The following DENND2C variants were observed in gnomAD, a reference collection of about 807,000 sequenced individuals.
DENND2C encodes the protein DENN domain containing 2C.
Under a neutral mutation model 112.4 loss-of-function variants are expected in DENND2C, and 72 were observed. The observed-to-expected ratio is 0.64, with a 90% CI of 0.53 to 0.78. The LOEUF (loss-of-function observed/expected upper bound fraction) is 0.78. Among genes scored for constraint, DENND2C ranks in the 30% least tolerant of loss-of-function variants. The pLI, the probability that DENND2C is intolerant of heterozygous loss-of-function variation, is 0.00. For missense variants in DENND2C, 992 were observed against 1,113.8 expected (o/e 0.89, Z 1.56); for synonymous variants, 329 against 381.6 (o/e 0.86, Z 1.61).
intron 2 of DENND2C, among the ~76,000 whole-genome samples, chr1:114,649,970 G>T (rs985068000): frequency 6.6e-6 from 1 of 152,058 alleles, no homozygotes; most frequent in Non-Finnish European, 1.5e-5. Context: ...TTATACAGAT[G>T]CAATTACAGT....
intron 1 of DENND2C, among the ~76,000 whole-genome samples, chr1:114,660,625 CA>C (rs924661502): frequency 2.0e-5 from 3 of 152,160 alleles, no homozygotes; most frequent in Admixed American, 6.6e-5. Flanking sequence ...GGAGGCTGGA[CA>C]GGGGGAGGGA....
rs138242785 is a variant in DENND2C, at chr1:114,583,835, A to AAC, written c.*1763_*1764dup. The AAC allele has an allele frequency of 0.49, 69,310 of 140,078 alleles. 17,225 individuals carry two copies. The highest frequency in any genetic ancestry group is 0.6 in the South Asian group (2,715 of 4,524). The allele number at this position is 140,078 out of a possible 1,614,324, so 8.7% of individuals were successfully genotyped here. The stretch of plus-strand genomic sequence containing the variant: ...AAAAAAAAAAAAAAAACCGAAACAA[A>AAC]ACACACACACACACACATACACACA... On this transcript the variant is annotated 3_prime_UTR_variant, in exon 21 of 21. Transcript: ENST00000393274.
intron 1 of DENND2C, among the ~76,000 whole-genome samples, chr1:114,658,544 T>C (rs1657393964): frequency 6.6e-6 from 1 of 151,918 alleles, no homozygotes; most frequent in Non-Finnish European, 1.5e-5. Flanking sequence ...GGACAAAGTA[T>C]GAAGACAACA....
chr1:114,585,452 G>A lies in DENND2C; in HGVS notation c.*148C>T, dbSNP rs1655014525. The A allele has an allele frequency of 2.6e-6, 2 of 761,464 alleles. No individual in the cohort carries two copies. Among genetic ancestry groups the A allele is most frequent in the Middle Eastern group, 7.8e-4 (2 of 2,560 alleles). 47.2% of individuals were successfully genotyped at this position (761,464 alleles called of 1,614,324 possible). On this transcript the variant is annotated 3_prime_UTR_variant, in exon 21 of 21. Transcript: ENST00000393274. The stretch of plus-strand genomic sequence containing the variant: ...CCAGTGATTACTACAGCAGCAACAG[G>A]AGAATCCTCCTCTAACAGCCTGACT...
chr1:114,606,077 T>C (rs1301898369), intron 10 of DENND2C, among the ~76,000 whole-genome samples: 1 of 152,190 alleles, frequency 6.6e-6, no homozygotes, highest in Non-Finnish European at 1.5e-5. Context: ...TCCCTTTTAA[T>C]TTCTTTTTTG....
intron 1 of DENND2C, among the ~76,000 whole-genome samples, chr1:114,660,712 G>T (rs1657468058): frequency 6.6e-6 from 1 of 152,122 alleles, no homozygotes; most frequent in African/African-American, 2.4e-5. Flanking sequence ...CTATTCAATT[G>T]CTCATAATTA....
At chr1:114,668,624 G>A (rs1657708446) in intron 1 of DENND2C, among the ~76,000 whole-genome samples, 1 of 151,240 alleles carries the variant, frequency 6.6e-6, no homozygotes. Flanking sequence ...ACTCAGAACA[G>A]GCCTACAAGT....
chr1:114,621,898 TG>T lies in DENND2C; in HGVS notation c.1223del (p.Pro408GlnfsTer5). 6.4e-7 allele frequency: 1 copy of T among 1,550,618 alleles called. No homozygotes were observed. The highest frequency in any genetic ancestry group is 2.0e-5 in the Admixed American group (1 of 51,004). On this transcript the variant is annotated frameshift_variant, in exon 7 of 21. Transcript: ENST00000393274. LOFTEE classifies it high-confidence loss of function. ...EVANTKRKNL[P>X]RLVLKIDDIF... ...ATGAAAGCACTGGAGTCTTTACCCT[TG>T]GAAGATTTTTCCTTTTCGTGTTTGC...
At chr1:114,616,786 T>TA (rs762136712) in intron 8 of DENND2C, among the ~76,000 whole-genome samples, 1 of 151,684 alleles carries the variant, frequency 6.6e-6, no homozygotes. Context: ...ACCCAGGAGA[T>TA]AAAGGTTGCA....
chr1:114,653,118 T>C (rs1451289168), intron 2 of DENND2C, among the ~76,000 whole-genome samples: 1 of 151,050 alleles, frequency 6.6e-6, no homozygotes, highest in Non-Finnish European at 1.5e-5. Flanking sequence ...CATTGGTACT[T>C]TTTTTTTTGA....
Position 114,608,773 on chromosome 1 carries a change from C to A in DENND2C, c.1470G>T (p.Leu490=), listed in dbSNP as rs768499605. ...RDLIELQEQQ[L]FELFVVVSLQ... ...GAGACACCACCACAAAAAGTTCAAA[C>A]AGCTGCTGCTCCTGTAATTCAATAA... is the stretch of plus-strand genomic sequence containing the variant. Residue 490 remains leucine, a synonymous_variant, in exon 10 of 21, where the codon CTG becomes CTT. Coordinates refer to ENST00000393274, the MANE Select transcript of DENND2C (RefSeq NM_001256404.2). 22 of 1,614,212 alleles carry A rather than the reference C, an allele frequency of 1.4e-5. 1 individual carries two copies. The South Asian group carries it at 2.3e-4, about 17-fold the overall frequency.
intron 16 of DENND2C, among the ~76,000 whole-genome samples, chr1:114,597,995 G>A (rs752561006): frequency 3.9e-5 from 6 of 152,308 alleles, no homozygotes; most frequent in Non-Finnish European, 7.4e-5. Context: ...TGGTGAAGAC[G>A]TGGAGCAACA....
At chr1:114,637,585 C>T (rs1338097362) in intron 3 of DENND2C, among the ~76,000 whole-genome samples, 3 of 150,724 alleles carry the variant, frequency 2.0e-5, no homozygotes, top group South Asian at 2.1e-4. Flanking sequence ...GGTGGGATCT[C>T]GGCTCACTGC....
rs1427930334 is a variant in DENND2C, at chr1:114,587,369, G to A, written c.2755+18C>T. The A allele has an allele frequency of 6.2e-7, 1 of 1,613,788 alleles. No homozygotes were observed. The highest frequency in any genetic ancestry group is 1.3e-5 in the African/African-American group (1 of 74,892). ...GTCTTCAGCCACATTTATCTAACAG[G>A]AAAACACAGCAACTAACCAAGACTC... On this transcript the variant is annotated intron_variant, in intron 20 of 20. Coordinates refer to ENST00000393274, the MANE Select transcript of DENND2C (RefSeq NM_001256404.2).
intron 7 of DENND2C, among the ~76,000 whole-genome samples, 161 bp downstream of exon 7, chr1:114,621,734 C>T (rs1421496208): frequency 6.6e-6 from 1 of 152,230 alleles, no homozygotes; most frequent in Non-Finnish European, 1.5e-5. Context: ...ATGCACTTCT[C>T]TAGCATGAGC....
At chr1:114,651,102 C>T (rs1221712069) in intron 2 of DENND2C, among the ~76,000 whole-genome samples, 2 of 148,962 alleles carry the variant, frequency 1.3e-5, no homozygotes, top group African/African-American at 4.9e-5. Flanking sequence ...CAGTGAGACT[C>T]GAGACTCCAT....
At chr1:114,629,637 T>C (rs1656436355) in intron 3 of DENND2C, among the ~76,000 whole-genome samples, 1 of 152,214 alleles carries the variant, frequency 6.6e-6, no homozygotes, top group Non-Finnish European at 1.5e-5. Flanking sequence ...CTTAATCATG[T>C]CCCTTTCTTT....
intron 10 of DENND2C, among the ~76,000 whole-genome samples, chr1:114,607,216 C>T (rs988795413): frequency 6.6e-6 from 1 of 152,214 alleles, no homozygotes; most frequent in Non-Finnish European, 1.5e-5. Context: ...AAGACCTTGG[C>T]ACATGCCCAG....
At chr1:114,655,867 TATATATATATGTATAA>T (rs200348341) in intron 1 of DENND2C, among the ~76,000 whole-genome samples, 27,650 of 112,208 alleles carry the variant, frequency 0.25, 3,559 homozygotes, top group Non-Finnish European at 0.32. Context: ...AAAGAACTTT[TATATATATATGTATAA>T]ATATATATAT....
Sources: gnomAD v4.1 joint callset for allele counts (sites outside exome capture counted in the v4.1 genomes callset) on GRCh38, gnomAD v4.1.1 for gene constraint, MANE v1.5 for transcripts, NCBI Gene and HGNC (gene_info 2026-07-23, HGNC 2026-07-21) for gene names.